Variants in NPAS3 observed in about 807,000 individuals in gnomAD.
The protein encoded by NPAS3 is neuronal PAS domain-containing protein 3.
NPAS3 carries 14 observed loss-of-function variants against 73.1 expected under a neutral mutation model. That is an observed-to-expected ratio of 0.19 (90% CI 0.13 to 0.30). NPAS3 has a LOEUF of 0.30. Among genes scored for constraint, NPAS3 ranks in the 10% least tolerant of loss-of-function variants. The pLI, the probability that NPAS3 is intolerant of heterozygous loss-of-function variation, is 1.00. For synonymous variants in NPAS3, 620 were observed against 541.5 expected (o/e 1.14, Z -2.01); for missense variants, 1,096 against 1,250.0 (o/e 0.88, Z 1.86).
At chr14:33,500,070 C>T (rs1356200097) in intron 4 of NPAS3, among the ~76,000 whole-genome samples, 1 of 151,850 alleles carries the variant, frequency 6.6e-6, no homozygotes, top group African/African-American at 2.4e-5. Flanking sequence ...GCTTTAGGGT[C>T]AGAGTACCCT....
intron 4 of NPAS3, among the ~76,000 whole-genome samples, chr14:33,554,510 G>A (rs1426543184): frequency 6.6e-6 from 1 of 152,104 alleles, no homozygotes; most frequent in Non-Finnish European, 1.5e-5. Context: ...TGTTCTTTTT[G>A]CATTCATAAT....
At chr14:33,690,252 T>G (rs2060198898) in intron 6 of NPAS3, among the ~76,000 whole-genome samples, 1 of 152,156 alleles carries the variant, frequency 6.6e-6, no homozygotes, top group Non-Finnish European at 1.5e-5. Flanking sequence ...TTATTTCGTG[T>G]AGGAGGACTC....
At chr14:33,135,443 TTTTTATTAAAAATAAGACATTCAA>T (rs2043795720) in intron 2 of NPAS3, among the ~76,000 whole-genome samples, 1 of 152,170 alleles carries the variant, frequency 6.6e-6, no homozygotes, top group Non-Finnish European at 1.5e-5. Context: ...GGGAAAGAAA[TTTTTATTAAAAATAAGACATTCAA>T]TGCATTTTAC....
At chr14:33,757,150 G>A (rs1181286072) in intron 7 of NPAS3, among the ~76,000 whole-genome samples, 1 of 152,150 alleles carries the variant, frequency 6.6e-6, no homozygotes, top group African/African-American at 2.4e-5. Context: ...TCTTGGCTTG[G>A]GACTGAAGCT....
At chr14:32,960,120 CAT>C (rs2036847854) in intron 1 of NPAS3, among the ~76,000 whole-genome samples, 1 of 151,348 alleles carries the variant, frequency 6.6e-6, no homozygotes, top group Admixed American at 6.6e-5. Context: ...AGTAATAAAA[CAT>C]GTGGAACAAC....
chr14:33,221,352 A>G (rs1383938638), intron 3 of NPAS3, among the ~76,000 whole-genome samples: 3 of 152,224 alleles, frequency 2.0e-5, no homozygotes, highest in African/African-American at 7.2e-5. Context: ...GAGATACTGC[A>G]AAGAAACATG....
At chr14:33,701,335 A>C (rs929647665) in intron 6 of NPAS3, among the ~76,000 whole-genome samples, 30 of 152,252 alleles carry the variant, frequency 2.0e-4, no homozygotes, top group African/African-American at 7.2e-4. Context: ...TTTAAACCTG[A>C]ACTTCAAAGT....
chr14:33,024,702 C>T (rs756221924), intron 1 of NPAS3, among the ~76,000 whole-genome samples: 5 of 152,170 alleles, frequency 3.3e-5, no homozygotes, highest in Non-Finnish European at 7.3e-5. Flanking sequence ...TCAATACACA[C>T]ACCTAAGACT....
At chr14:33,486,280 T>A (rs2051592605) in intron 4 of NPAS3, among the ~76,000 whole-genome samples, 1 of 152,118 alleles carries the variant, frequency 6.6e-6, no homozygotes, top group South Asian at 2.1e-4. Flanking sequence ...CCCAAATTTC[T>A]GCTGTATAAA....
intron 4 of NPAS3, among the ~76,000 whole-genome samples, chr14:33,518,045 G>T (rs1375308966): frequency 1.3e-5 from 2 of 152,072 alleles, no homozygotes; most frequent in East Asian, 3.9e-4. Context: ...AACAATTCTT[G>T]ACTGACAGCA....
chr14:33,367,557 T>C (rs2045898949), intron 4 of NPAS3, among the ~76,000 whole-genome samples: 1 of 151,632 alleles, frequency 6.6e-6, no homozygotes, highest in Admixed American at 6.6e-5. Flanking sequence ...GTTCCCAGAA[T>C]GGTTGTGTGC....
intron 3 of NPAS3, among the ~76,000 whole-genome samples, chr14:33,346,443 G>A (rs185056525): frequency 1.4e-5 from 2 of 145,940 alleles, no homozygotes; most frequent in South Asian, 2.2e-4. Context: ...TAGGAGGATC[G>A]CTTGAACCCA....
chr14:33,481,578 T>C (rs1339849849), intron 4 of NPAS3, among the ~76,000 whole-genome samples: 1 of 152,194 alleles, frequency 6.6e-6, no homozygotes, highest in Non-Finnish European at 1.5e-5. Flanking sequence ...TGGATTTGAA[T>C]AGTTTATTTA....
intron 2 of NPAS3, among the ~76,000 whole-genome samples, chr14:33,132,043 A>T (rs1255412190): frequency 6.6e-6 from 1 of 152,168 alleles, no homozygotes; most frequent in Non-Finnish European, 1.5e-5. Context: ...AGAAAGAGCC[A>T]TTATTTAAGT....
At chr14:33,583,659 A>G (rs943082502) in intron 5 of NPAS3, among the ~76,000 whole-genome samples, 31 of 152,214 alleles carry the variant, frequency 2.0e-4, no homozygotes, top group African/African-American at 6.8e-4. Flanking sequence ...TTTATTGGAA[A>G]GGGGAACAAC....
intron 3 of NPAS3, among the ~76,000 whole-genome samples, chr14:33,350,366 T>G (rs1480138640): frequency 6.6e-6 from 1 of 152,234 alleles, no homozygotes; most frequent in Non-Finnish European, 1.5e-5. Flanking sequence ...TGCATTCTCC[T>G]CTGCCTTCCA....
intron 6 of NPAS3, among the ~76,000 whole-genome samples, chr14:33,689,680 C>G (rs1053633081): frequency 1.3e-5 from 2 of 152,182 alleles, no homozygotes; most frequent in African/African-American, 2.4e-5. Context: ...AGAGGAAATA[C>G]TCTTCTGGAA....
intron 1 of NPAS3, among the ~76,000 whole-genome samples, chr14:32,970,723 T>C (rs1239097926): frequency 3.3e-5 from 5 of 152,196 alleles, no homozygotes; most frequent in Non-Finnish European, 5.9e-5. Context: ...GCTGGCAATC[T>C]CTAGCACTCC....
At chr14:33,521,534 G>T (rs934985795) in intron 4 of NPAS3, among the ~76,000 whole-genome samples, 1 of 136,762 alleles carries the variant, frequency 7.3e-6, no homozygotes, top group South Asian at 2.4e-4. Context: ...AAAAAAAAAG[G>T]CACATTAGAG....
Sources: allele counts gnomAD v4.1 joint callset (sites outside exome capture counted in the v4.1 genomes callset), GRCh38; gene constraint gnomAD v4.1.1; transcripts MANE v1.5; gene names NCBI Gene and HGNC (gene_info 2026-07-23, HGNC 2026-07-21).